Variants in TPRG1 observed in about 807,000 individuals in gnomAD.
TPRG1 encodes tumor protein p63 regulated 1, also known as tumor protein p63-regulated gene 1 protein.
Under a neutral mutation model 29.3 loss-of-function variants are expected in TPRG1, and 29 were observed. The observed-to-expected ratio is 0.99, with a 90% CI of 0.74 to 1.35. The LOEUF (loss-of-function observed/expected upper bound fraction) is 1.35. Among genes scored for constraint, TPRG1 ranks in the 40% most tolerant of loss-of-function variants. The pLI, the probability that TPRG1 is intolerant of heterozygous loss-of-function variation, is 0.00. For synonymous variants in TPRG1, 130 were observed against 116.8 expected, an observed-to-expected ratio of 1.11 and a Z score of -0.73; for missense variants, 327 against 335.0, an observed-to-expected ratio of 0.98 and a Z score of 0.19.
intron 4 of TPRG1, among the ~76,000 whole-genome samples, chr3:189,258,725 C>A (rs1263192470): frequency 6.6e-6 from 1 of 152,188 alleles, no homozygotes; most frequent in Non-Finnish European, 1.5e-5. Flanking sequence ...TCTAGAGAGG[C>A]AGTCTGGCTA....
chr3:189,189,329 C>T (rs6788716), intron 1 of TPRG1, among the ~76,000 whole-genome samples: 54,873 of 151,212 alleles, frequency 0.36, 10,037 homozygotes, highest in South Asian at 0.52. Context: ...ATTTGTACAA[C>T]GTTAGTTATA....
intron 5 of TPRG1, among the ~76,000 whole-genome samples, chr3:189,311,392 T>A (rs746538747): frequency 6.6e-6 from 1 of 152,204 alleles, no homozygotes; most frequent in Non-Finnish European, 1.5e-5. Flanking sequence ...CTTGGCAATC[T>A]GTATGTAAAG....
Position 189,162,677 on chromosome 3 carries a change from A to C in TPRG1, c.-10+11805A>C, listed in dbSNP as rs188965136. On this transcript the variant is annotated intron_variant, in intron 5 of 6. Coordinates refer to the TPRG1 transcript ENST00000412373. ...ATTTCATGTTCCAAATCAAAAGGACAGTAAAGCTAAAGACAGAGGTAGAAA... is the reference window on the plus strand; with the variant it reads ...ATTTCATGTTCCAAATCAAAAGGACCGTAAAGCTAAAGACAGAGGTAGAAA... Among the ~76,000 whole-genome samples the C allele has an allele frequency of 2.6e-5, 4 of 152,342 alleles. No homozygotes were observed. In the East Asian group the frequency reaches 7.7e-4, roughly 29 times the overall value.
chr3:189,052,069 T>C (rs1715355321), intron 4 of TPRG1, among the ~76,000 whole-genome samples: 1 of 152,098 alleles, frequency 6.6e-6, no homozygotes. Flanking sequence ...CAAAAGCAAA[T>C]GCAATAAAAA....
At chr3:189,074,635 G>A (rs1294402656) in intron 4 of TPRG1, among the ~76,000 whole-genome samples, 1 of 151,948 alleles carries the variant, frequency 6.6e-6, no homozygotes, top group Admixed American at 6.5e-5. Flanking sequence ...TCCCTGTGCT[G>A]TTCTTTCTTT....
intron 1 of TPRG1, among the ~76,000 whole-genome samples, chr3:189,177,520 C>A (rs1272846008): frequency 6.6e-6 from 1 of 150,620 alleles, no homozygotes; most frequent in Non-Finnish European, 1.5e-5. Context: ...ATATACTTAT[C>A]TATGTATATA....
At chr3:189,067,048 A>T (rs1295009437) in intron 4 of TPRG1, among the ~76,000 whole-genome samples, 3 of 152,192 alleles carry the variant, frequency 2.0e-5, no homozygotes, top group Admixed American at 6.5e-5. Flanking sequence ...GAAAAAAGAA[A>T]TCAGGAAAGT....
At chr3:189,070,109 A>T (rs1241112401) in intron 4 of TPRG1, among the ~76,000 whole-genome samples, 1 of 152,206 alleles carries the variant, frequency 6.6e-6, no homozygotes, top group African/African-American at 2.4e-5. Context: ...AAACAATAAG[A>T]AATACACACT....
chr3:189,252,180 A>G (rs923387084), intron 4 of TPRG1, among the ~76,000 whole-genome samples: 1 of 152,202 alleles, frequency 6.6e-6, no homozygotes, highest in African/African-American at 2.4e-5. Context: ...TGGACACAGC[A>G]CATGTTTCAG....
intron 4 of TPRG1, among the ~76,000 whole-genome samples, chr3:189,027,977 A>G (rs780179986): frequency 2.0e-5 from 3 of 152,034 alleles, no homozygotes; most frequent in Non-Finnish European, 4.4e-5. Flanking sequence ...AGTATTTACT[A>G]TTGAGAACTT....
At position 189,067,263 on chromosome 3, in the gene TPRG1, T is replaced by G. The variant is rs114174656; in HGVS notation, c.-463+43317T>G. 2.4e-3 allele frequency among the ~76,000 whole-genome samples: 368 copies of G among 152,252 alleles called. 3 individuals are homozygous for G. Among genetic ancestry groups the G allele is most frequent in the Admixed American group, 4.3e-3 (66 of 15,280 alleles). ...CATACTACCCAAAGCAATCTATAGA[T>G]TCAGTGCAATCTCTATCAAAATACA... On this transcript the variant is annotated intron_variant, in intron 4 of 10. Coordinates refer to the TPRG1 transcript ENST00000433971.
At chr3:189,317,551 A>T (rs1723732089) in intron 5 of TPRG1, among the ~76,000 whole-genome samples, 1 of 152,182 alleles carries the variant, frequency 6.6e-6, no homozygotes, top group Non-Finnish European at 1.5e-5. Context: ...TTCTTATTTT[A>T]TGGCAAAGGA....
intron 3 of TPRG1, among the ~76,000 whole-genome samples, chr3:189,007,467 A>T (rs1183362669): frequency 2.6e-4 from 39 of 151,818 alleles, no homozygotes; most frequent in Non-Finnish European, 4.7e-4. Flanking sequence ...AACTAGTTCA[A>T]CGATTGTGGA....
intron 2 of TPRG1, among the ~76,000 whole-genome samples, chr3:189,208,346 TG>T (rs1477589281): frequency 6.6e-6 from 1 of 152,120 alleles, no homozygotes; most frequent in Non-Finnish European, 1.5e-5. Flanking sequence ...TACAATCAAT[TG>T]GGGGCAAAAT....
intron 1 of TPRG1, among the ~76,000 whole-genome samples, chr3:189,108,955 A>C (rs1238409146): frequency 6.6e-6 from 1 of 152,068 alleles, no homozygotes; most frequent in Non-Finnish European, 1.5e-5. Flanking sequence ...GGGAGGCAGG[A>C]AAAGGGCTGA....
intron 4 of TPRG1, among the ~76,000 whole-genome samples, chr3:189,256,891 T>G (rs972363414): frequency 2.0e-5 from 3 of 152,182 alleles, no homozygotes; most frequent in Non-Finnish European, 4.4e-5. Context: ...TTTGAGCCTA[T>G]GTGTGTCTTT....
At chr3:189,162,782 A>G (rs1241602099) in intron 5 of TPRG1, among the ~76,000 whole-genome samples, 1 of 152,172 alleles carries the variant, frequency 6.6e-6, no homozygotes, top group Non-Finnish European at 1.5e-5. Context: ...TGGAGAGAGA[A>G]CCAGATCTCT....
intron 1 of TPRG1, among the ~76,000 whole-genome samples, chr3:189,177,707 G>A (rs1729676979): frequency 6.6e-6 from 1 of 152,008 alleles, no homozygotes; most frequent in South Asian, 2.1e-4. Flanking sequence ...GGTGGTGAGA[G>A]TGGTCCCATG....
At chr3:189,312,356 C>T (rs1439491512) in intron 5 of TPRG1, among the ~76,000 whole-genome samples, 2 of 151,836 alleles carry the variant, frequency 1.3e-5, no homozygotes, top group East Asian at 3.9e-4. Context: ...CGCCCGAAAA[C>T]ATCTGTTAAT....
Sources: allele counts gnomAD v4.1 joint callset (sites outside exome capture counted in the v4.1 genomes callset), GRCh38; gene constraint gnomAD v4.1.1; transcripts MANE v1.5; gene names NCBI Gene and HGNC (gene_info 2026-07-23, HGNC 2026-07-21).